Variants in PRR16 observed in about 807,000 individuals in gnomAD.
The protein encoded by PRR16 is protein Largen.
PRR16 carries 6 observed loss-of-function variants against 18.2 expected under a neutral mutation model. The ratio of observed to expected loss-of-function variants is 0.33; its 90% confidence interval spans 0.18 to 0.65. PRR16 has a LOEUF of 0.65. Ranked by LOEUF, PRR16 falls within the 30% of genes least tolerant of loss-of-function variation. The pLI, the probability that PRR16 is intolerant of heterozygous loss-of-function variation, is 0.74. For synonymous variants in PRR16, 151 were observed against 147.8 expected, an observed-to-expected ratio of 1.02 and a Z score of -0.16; for missense variants, 412 against 376.6, an observed-to-expected ratio of 1.09 and a Z score of -0.78.
At chr5:120,603,175 G>T (rs1754042764) in intron 1 of PRR16, among the ~76,000 whole-genome samples, 1 of 152,010 alleles carries the variant, frequency 6.6e-6, no homozygotes, top group African/African-American at 2.4e-5. Flanking sequence ...AGAATTTTCT[G>T]TGAATTTGTT....
the PRR16 span, among the ~76,000 whole-genome samples, chr5:120,746,040 T>A: frequency 6.6e-6 from 1 of 152,040 alleles, no homozygotes; most frequent in Non-Finnish European, 1.5e-5. Flanking sequence ...AATTTTAGTT[T>A]GGAAGCGGTG....
chr5:120,731,421 C>A, the PRR16 span, among the ~76,000 whole-genome samples: 2 of 152,020 alleles, frequency 1.3e-5, no homozygotes, highest in African/African-American at 4.8e-5. Context: ...CTTGTACCAC[C>A]TCATAGAAAC....
the PRR16 span, among the ~76,000 whole-genome samples, chr5:120,789,466 A>C: frequency 2.0e-5 from 3 of 152,152 alleles, no homozygotes; most frequent in Admixed American, 2.0e-4. Flanking sequence ...CTGCTATATC[A>C]AGGAAAAAAT....
intron 1 of PRR16, among the ~76,000 whole-genome samples, chr5:120,629,742 G>C (rs370242700): frequency 2.1e-4 from 18 of 85,214 alleles, no homozygotes; most frequent in African/African-American, 5.2e-4. Context: ...AGAAGACTCT[G>C]TTTGTTTTTT....
intron 1 of PRR16, among the ~76,000 whole-genome samples, chr5:120,648,935 C>T (rs372692999): frequency 5.9e-4 from 90 of 152,162 alleles, no homozygotes; most frequent in African/African-American, 2.1e-3. Flanking sequence ...GATATAAATG[C>T]CCTCAAGACC....
the PRR16 span, among the ~76,000 whole-genome samples, chr5:120,776,125 G>GCTAA: frequency 1.3e-5 from 2 of 152,156 alleles, no homozygotes; most frequent in East Asian, 3.9e-4. Flanking sequence ...GAGTCTAGGG[G>GCTAA]CTAACTACAT....
chr5:120,743,568 T>C, the PRR16 span, among the ~76,000 whole-genome samples: 7 of 152,302 alleles, frequency 4.6e-5, no homozygotes, highest in Middle Eastern at 3.4e-3. Context: ...GTAAGGAACT[T>C]TGCAAACTTT....
At chr5:120,539,682 A>C (rs1410149481) in intron 1 of PRR16, among the ~76,000 whole-genome samples, 1 of 152,158 alleles carries the variant, frequency 6.6e-6, no homozygotes, top group Non-Finnish European at 1.5e-5. Context: ...GAAAAGAAAA[A>C]AAAACAATGC....
chr5:120,469,177 C>G (rs1475983932), intron 1 of PRR16, among the ~76,000 whole-genome samples: 2 of 152,200 alleles, frequency 1.3e-5, no homozygotes, highest in African/African-American at 2.4e-5. Context: ...AATATTTTCA[C>G]TTCTAAATGT....
chr5:120,722,063 C>G, the PRR16 span, among the ~76,000 whole-genome samples: 2 of 151,898 alleles, frequency 1.3e-5, no homozygotes, highest in South Asian at 4.2e-4. Context: ...GTGGTGTTCC[C>G]CTCCCTGTTT....
At chr5:120,507,261 G>A (rs1240612365) in intron 1 of PRR16, among the ~76,000 whole-genome samples, 2 of 151,960 alleles carry the variant, frequency 1.3e-5, no homozygotes, top group East Asian at 3.9e-4. Flanking sequence ...TACCCTTTAA[G>A]GCATTTTTAT....
the PRR16 span, among the ~76,000 whole-genome samples, chr5:120,754,182 TATA>T: frequency 8.8e-6 from 1 of 114,246 alleles, no homozygotes; most frequent in African/African-American, 3.3e-5. Flanking sequence ...AATATAAATA[TATA>T]ATATATAATT....
chr5:120,489,435 T>C (rs1262710501), intron 1 of PRR16, among the ~76,000 whole-genome samples: 1 of 152,180 alleles, frequency 6.6e-6, no homozygotes, highest in Non-Finnish European at 1.5e-5. Context: ...TTGATCTTTG[T>C]TGGTTTAAAG....
chr5:120,579,468 A>G (rs1347114963), intron 1 of PRR16, among the ~76,000 whole-genome samples: 3 of 152,154 alleles, frequency 2.0e-5, no homozygotes, highest in Non-Finnish European at 4.4e-5. Flanking sequence ...TTTTCTGCAT[A>G]TGGCTAGCCA....
intron 1 of PRR16, among the ~76,000 whole-genome samples, chr5:120,640,786 T>C (rs1233044739): frequency 3.3e-5 from 5 of 152,146 alleles, no homozygotes; most frequent in Non-Finnish European, 5.9e-5. Context: ...ACAATTCTTC[T>C]CCCTTGCTTC....
chr5:120,582,062 A>G (rs1753290104), intron 1 of PRR16, among the ~76,000 whole-genome samples: 1 of 152,178 alleles, frequency 6.6e-6, no homozygotes, highest in South Asian at 2.1e-4. Context: ...ACCTAAGTAT[A>G]CATCAACAGT....
the PRR16 span, among the ~76,000 whole-genome samples, chr5:120,758,968 T>C: frequency 7.3e-6 from 1 of 137,316 alleles, no homozygotes; most frequent in Admixed American, 8.7e-5. Flanking sequence ...TTTTGTACCA[T>C]AATTTCTTTT....
intron 1 of PRR16, among the ~76,000 whole-genome samples, chr5:120,493,017 ATG>A (rs1313253793): frequency 3.3e-5 from 5 of 152,192 alleles, no homozygotes; most frequent in Non-Finnish European, 7.3e-5. Context: ...GCTGCTATAA[ATG>A]TGTGTGCAAG....
At chr5:120,535,110 C>A (rs1751672981) in intron 1 of PRR16, among the ~76,000 whole-genome samples, 1 of 146,050 alleles carries the variant, frequency 6.8e-6, no homozygotes, top group South Asian at 2.1e-4. Flanking sequence ...TGTGTAAAAG[C>A]CTATGTGAGG....
Sources: allele counts gnomAD v4.1 joint callset (sites outside exome capture counted in the v4.1 genomes callset), GRCh38; gene constraint gnomAD v4.1.1; transcripts MANE v1.5; gene names NCBI Gene and HGNC (gene_info 2026-07-23, HGNC 2026-07-21).